Variants in ZFR observed in about 807,000 individuals in gnomAD.
ZFR encodes zinc finger RNA-binding protein.
ZFR carries 19 observed loss-of-function variants against 130.7 expected under a neutral mutation model. That is an observed-to-expected ratio of 0.15 (90% confidence interval 0.10 to 0.21). The LOEUF (loss-of-function observed/expected upper bound fraction) is 0.21, where lower values mean the gene tolerates loss of function less well. ZFR is among the 10% of genes least tolerant of loss of function. The pLI, the probability that ZFR is intolerant of heterozygous loss-of-function variation, is 1.00. For synonymous variants in ZFR, 466 were observed against 456.9 expected (o/e 1.02, Z -0.25); for missense variants, 872 against 1,321.5 (o/e 0.66, Z 5.27).
intron 2 of ZFR, among the ~76,000 whole-genome samples, chr5:32,438,564 T>C (rs1009012104): frequency 6.6e-6 from 1 of 152,080 alleles, no homozygotes; most frequent in African/African-American, 2.4e-5. Context: ...CTCCCGGCCT[T>C]TGCCTGATCA....
intron 17 of ZFR, among the ~76,000 whole-genome samples, chr5:32,365,878 G>A (rs927999212): frequency 6.6e-6 from 1 of 152,162 alleles, no homozygotes; most frequent in African/African-American, 2.4e-5. Context: ...GGGATTACAG[G>A]CATCACAGCA....
intron 8 of ZFR, 45 bp downstream of exon 8, chr5:32,403,061 A>C (rs754060161): frequency 3.2e-6 from 5 of 1,576,162 alleles, no homozygotes; most frequent in Non-Finnish European, 4.3e-6. Flanking sequence ...GAGAAGAAAC[A>C]ACACTTTGAC....
intron 2 of ZFR, among the ~76,000 whole-genome samples, chr5:32,439,420 A>C (rs1265744099): frequency 6.6e-6 from 1 of 152,196 alleles, no homozygotes; most frequent in Non-Finnish European, 1.5e-5. Context: ...AAAAAGAGAA[A>C]GGAAAAAAGG....
At position 32,364,031 on chromosome 5, in the gene ZFR, G is replaced by A; in HGVS notation, c.2962C>T (p.Leu988=). ...GIILKGSPGL[L]DPCEKDPFDT... The stretch of plus-strand genomic sequence containing the variant: ...AAGGGATCCTTTTCACAAGGATCCA[G>A]AAGTCCAGGACTACCTACAGCAATC... The change falls in exon 19 of 20, where the codon CTG becomes TTG. Residue 988 remains leucine, a synonymous_variant. Transcript: ENST00000265069. The A allele has an allele frequency of 6.2e-7, 1 of 1,614,060 alleles. No individual in the cohort carries two copies. Among genetic ancestry groups the A allele is most frequent in the Non-Finnish European group, 8.5e-7 (1 of 1,179,968 alleles).
intron 2 of ZFR, among the ~76,000 whole-genome samples, chr5:32,433,242 C>A (rs1754261841): frequency 6.6e-6 from 1 of 152,034 alleles, no homozygotes; most frequent in Non-Finnish European, 1.5e-5. Flanking sequence ...TAATTTTAGT[C>A]ATTTAACAAA....
rs1224424010 is a variant in ZFR, at chr5:32,395,312, TATAA to T, written c.1834-12_1834-9del. Reference sequence around the variant, plus strand: ...ATCTGGATTTACTTTTTTCTATTAATATAAATAAGACATTTAAAAAACAGCAGCC... The same window carrying T: ...ATCTGGATTTACTTTTTTCTATTAATATAAGACATTTAAAAAACAGCAGCC... On this transcript the variant is annotated splice_polypyrimidine_tract_variant and intron_variant, in intron 10 of 19. Coordinates refer to ENST00000265069, the MANE Select transcript of ZFR (RefSeq NM_016107.5). 3 of 1,559,276 alleles carry T rather than the reference TATAA, an allele frequency of 1.9e-6. No homozygotes were observed. Among genetic ancestry groups the T allele is most frequent in the Non-Finnish European group, 2.6e-6 (3 of 1,158,044 alleles).
chr5:32,404,896 A>T (rs1467234017), intron 6 of ZFR, among the ~76,000 whole-genome samples: 1 of 151,916 alleles, frequency 6.6e-6, no homozygotes, highest in East Asian at 1.9e-4. Flanking sequence ...GGGTCACCGC[A>T]ATCTCCACCT....
At chr5:32,423,075 C>T (rs910344141) in intron 2 of ZFR, among the ~76,000 whole-genome samples, 7 of 151,678 alleles carry the variant, frequency 4.6e-5, no homozygotes, top group Admixed American at 3.9e-4. Flanking sequence ...AAGCTGGGCA[C>T]GGAATACCTG....
intron 15 of ZFR, 52 bp from the exon 16 acceptor site, chr5:32,380,224 G>T: frequency 1.4e-6 from 2 of 1,421,246 alleles, no homozygotes; most frequent in Non-Finnish European, 2.0e-6. Flanking sequence ...GTTTGACCAG[G>T]TGAGCAAGAC....
At chr5:32,409,675 G>A (rs554141784) in intron 5 of ZFR, among the ~76,000 whole-genome samples, 23 of 152,084 alleles carry the variant, frequency 1.5e-4, no homozygotes, top group South Asian at 6.2e-4. Flanking sequence ...CCAAGTGCTG[G>A]GATTACAGGC....
chr5:32,417,795 A>T lies in ZFR; in HGVS notation c.421-3T>A. The T allele has an allele frequency of 3.1e-6, 5 of 1,610,632 alleles. No homozygotes were observed. The highest frequency in any genetic ancestry group is 4.2e-6 in the Non-Finnish European group (5 of 1,177,516). ...GACCTTACATATGAGTATGAATCCT[A>T]AAGAAAAGGAATGAAAGAAAATCTT... On this transcript the variant is annotated splice_polypyrimidine_tract_variant and splice_region_variant and intron_variant, in intron 3 of 19. Coordinates refer to ENST00000265069, the MANE Select transcript of ZFR (RefSeq NM_016107.5).
intron 5 of ZFR, among the ~76,000 whole-genome samples, chr5:32,410,846 T>G (rs1162274559): frequency 2.6e-5 from 4 of 152,200 alleles, no homozygotes; most frequent in Non-Finnish European, 5.9e-5. Context: ...AACAATGGTT[T>G]CTCTGATTTG....
rs1032788491 is a variant in ZFR at position 32,404,024 on chromosome 5, C to T, written c.1106G>A (p.Ser369Asn). ...CCCACGAGTAGAACTGTTGCTGCTG[C>T]TGGTATTTTGTGAGGCTTTCAATGC... is the stretch of plus-strand genomic sequence containing the variant. ...EAALKASQNT[S>N]SSNSSTRGTQ... The change falls in exon 7 of 20, where the codon AGC (serine) becomes AAC (asparagine). Residue 369 changes from serine to asparagine, a missense_variant. Ser to Asn is a conservative substitution (Grantham distance 46, BLOSUM62 1). Around this residue, in one of 7 missense-constraint regions of ZFR, gnomAD observed 31 missense variants for 21.8 expected, o/e 1.42. Transcript: ENST00000265069. The T allele has an allele frequency of 6.2e-7, 1 of 1,614,006 alleles. No individual in the cohort carries two copies. The highest frequency in any genetic ancestry group is 1.7e-5 in the Admixed American group (1 of 59,996).
In ZFR at chr5:32,355,755, A is replaced by C; in HGVS notation, c.*5T>G. ...TTTTTAACACTGAAGATTTACAGAC[A>C]CTTTTTAAAAGTTATCATAATCTTT... On this transcript the variant is annotated 3_prime_UTR_variant, in exon 20 of 20. Coordinates refer to ENST00000265069, the MANE Select transcript of ZFR (RefSeq NM_016107.5). The C allele has an allele frequency of 6.4e-7, 1 of 1,569,200 alleles. No homozygotes were observed. The highest frequency in any genetic ancestry group is 8.6e-7 in the Non-Finnish European group (1 of 1,162,040).
At chr5:32,355,960 A>T in intron 19 of ZFR, 21 bp from the exon 20 acceptor site, 1 of 1,559,254 alleles carries the variant, frequency 6.4e-7, no homozygotes. Context: ...GAGAGTCAGA[A>T]TTTTGAGTTA....
At chr5:32,370,976 A>T (rs1752658309) in intron 17 of ZFR, among the ~76,000 whole-genome samples, 1 of 152,248 alleles carries the variant, frequency 6.6e-6, no homozygotes, top group Admixed American at 6.5e-5. Context: ...ACAGTTCATA[A>T]GAATTTCAAA....
chr5:32,428,211 C>T (rs1303067521), intron 2 of ZFR, among the ~76,000 whole-genome samples: 3 of 152,104 alleles, frequency 2.0e-5, no homozygotes, highest in African/African-American at 7.2e-5. Context: ...GTCAGGAGTT[C>T]GAGACCAGTC....
At chr5:32,404,255 A>C (rs1009128989) in intron 6 of ZFR, among the ~76,000 whole-genome samples, 158 bp from the exon 7 acceptor site, 2 of 152,228 alleles carry the variant, frequency 1.3e-5, no homozygotes, top group Non-Finnish European at 2.9e-5. Flanking sequence ...CATATGTGAC[A>C]TATCTATGGT....
At position 32,435,604 on chromosome 5, in the gene ZFR, C is replaced by T. The variant is rs75192708; in HGVS notation, c.137+8625G>A. ...AGCCACTTTCATAAATCACAGCACT[C>T]TTTGCTCTCATCTACATGGTTATTG... On this transcript the variant is annotated intron_variant, in intron 2 of 19. Transcript: ENST00000265069. Among the ~76,000 whole-genome samples, 961 of 152,270 alleles carry T rather than the reference C, an allele frequency of 6.3e-3. 9 individuals carry two copies. Among genetic ancestry groups the T allele is most frequent in the Non-Finnish European group, 0.01 (690 of 68,018 alleles).
Sources: allele counts gnomAD v4.1 joint callset (sites outside exome capture counted in the v4.1 genomes callset), GRCh38; gene constraint gnomAD v4.1.1; regional missense constraint gnomAD v4.1.1; transcripts MANE v1.5; gene names NCBI Gene and HGNC (gene_info 2026-07-23, HGNC 2026-07-21).